CPED1: variants seen among roughly 807,000 people sequenced by gnomAD.
CPED1 encodes the protein cadherin-like and PC-esterase domain-containing protein 1.
In CPED1, 114 loss-of-function variants were observed where a neutral mutation model predicts 128.2. The ratio of observed to expected loss-of-function variants is 0.89; its 90% CI spans 0.76 to 1.04. The LOEUF is 1.04. CPED1 is among the 50% of genes least tolerant of loss of function. The pLI, the probability that CPED1 is intolerant of heterozygous loss-of-function variation, is 0.00. For synonymous variants in CPED1, 462 were observed against 426.7 expected (o/e 1.08, Z -1.02); for missense variants, 1,211 against 1,207.1 (o/e 1.00, Z -0.05).
Position 121,261,722 on chromosome 7 carries a change from C to A in CPED1, c.2311-4505C>A, listed in dbSNP as rs776687194. ...ACCCTAAATGACCTCCCTGCCCCAC[C>A]CCTGCACATAAACCTGACTTGAATC... is the stretch of plus-strand genomic sequence containing the variant. On this transcript the variant is annotated intron_variant, in intron 18 of 22. Transcript: ENST00000310396. 7.9e-5 allele frequency: 126 copies of A among 1,600,024 alleles called. 2 individuals are homozygous for A. The South Asian group carries it at 1.3e-3, about 17-fold the overall frequency.
intron 16 of CPED1, among the ~76,000 whole-genome samples, chr7:121,202,885 C>G (rs1797430813): frequency 1.3e-5 from 2 of 152,086 alleles, no homozygotes; most frequent in Non-Finnish European, 2.9e-5. Context: ...ATTCATTTTC[C>G]AAAGAGCCTC....
chr7:121,104,495 A>G (rs932333564), intron 7 of CPED1, among the ~76,000 whole-genome samples: 2 of 152,192 alleles, frequency 1.3e-5, no homozygotes, highest in African/African-American at 4.8e-5. Flanking sequence ...GTAACTTTTT[A>G]TGATGTCTGA....
chr7:121,239,619 G>GT (rs1160082914), intron 17 of CPED1, among the ~76,000 whole-genome samples: 1 of 152,090 alleles, frequency 6.6e-6, no homozygotes, highest in Non-Finnish European at 1.5e-5. Flanking sequence ...AAATATAGAT[G>GT]TTTTTGTCTT....
chr7:120,990,074 A>G (rs185811085), intron 2 of CPED1, among the ~76,000 whole-genome samples: 20 of 152,330 alleles, frequency 1.3e-4, no homozygotes, highest in African/African-American at 4.6e-4. Flanking sequence ...TTCTGGCATT[A>G]CTTTATCTCT....
intron 3 of CPED1, among the ~76,000 whole-genome samples, chr7:121,043,626 CAG>C (rs1793115239): frequency 6.6e-6 from 1 of 151,998 alleles, no homozygotes; most frequent in Non-Finnish European, 1.5e-5. Flanking sequence ...GTGCTGCTAC[CAG>C]AGACAGAGCC....
intron 3 of CPED1, among the ~76,000 whole-genome samples, chr7:121,023,661 A>G (rs1306799100): frequency 1.3e-5 from 2 of 152,150 alleles, no homozygotes; most frequent in African/African-American, 4.8e-5. Context: ...GAGGTGAGAA[A>G]CACCAGTGTG....
intron 17 of CPED1, among the ~76,000 whole-genome samples, chr7:121,239,216 C>T (rs1798329481): frequency 6.6e-6 from 1 of 151,898 alleles, no homozygotes; most frequent in African/African-American, 2.4e-5. Flanking sequence ...GTTTGAAAAT[C>T]TTATTTTAAA....
intron 16 of CPED1, among the ~76,000 whole-genome samples, chr7:121,235,507 C>G (rs1798232161): frequency 1.3e-5 from 2 of 152,026 alleles, no homozygotes; most frequent in African/African-American, 4.8e-5. Context: ...GAGAATGTAA[C>G]CACAAATTGC....
At position 121,238,714 on chromosome 7, in the gene CPED1, T is replaced by A. The variant is rs117059758; in HGVS notation, c.2173+1883T>A. Among the ~76,000 whole-genome samples the A allele has an allele frequency of 6.2e-3, 933 of 150,564 alleles. 6 individuals are homozygous for A. The highest frequency in any genetic ancestry group is 0.011 in the Non-Finnish European group (754 of 67,666). On this transcript the variant is annotated intron_variant, in intron 17 of 22. Transcript: ENST00000310396. ...TTTTACCTGATCATTTTTCTTTTTATGTTTTATAATTGATAAAATATATAA... is the reference window on the plus strand; with the variant it reads ...TTTTACCTGATCATTTTTCTTTTTAAGTTTTATAATTGATAAAATATATAA...
intron 16 of CPED1, among the ~76,000 whole-genome samples, chr7:121,196,129 A>G (rs1030878719): frequency 2.1e-4 from 32 of 152,052 alleles, no homozygotes; most frequent in African/African-American, 5.8e-4. Flanking sequence ...GAAATAATTT[A>G]GCTGCTTTGG....
intron 22 of CPED1, among the ~76,000 whole-genome samples, chr7:121,287,252 C>T (rs1792600150): frequency 1.3e-5 from 2 of 152,040 alleles, no homozygotes; most frequent in Admixed American, 1.3e-4. Flanking sequence ...ATACCCCCAA[C>T]CTCCTGCCAC....
chr7:121,284,319 G>A (rs1051112601), intron 22 of CPED1, among the ~76,000 whole-genome samples: 1 of 152,176 alleles, frequency 6.6e-6, no homozygotes, highest in African/African-American at 2.4e-5. Context: ...TAAAACTCAA[G>A]ATGAGATTTG....
intron 3 of CPED1, among the ~76,000 whole-genome samples, chr7:121,017,427 T>C (rs1050440234): frequency 6.6e-6 from 1 of 152,188 alleles, no homozygotes; most frequent in Admixed American, 6.5e-5. Context: ...TTTATCAGAA[T>C]AGCTATTAGT....
intron 16 of CPED1, among the ~76,000 whole-genome samples, chr7:121,162,849 T>C (rs1427529150): frequency 6.6e-6 from 1 of 152,208 alleles, no homozygotes; most frequent in East Asian, 1.9e-4. Context: ...TCCTGTGAAA[T>C]ATGCATAAAT....
intron 7 of CPED1, among the ~76,000 whole-genome samples, chr7:121,107,036 T>C (rs1007380474): frequency 6.6e-6 from 1 of 152,116 alleles, no homozygotes; most frequent in African/African-American, 2.4e-5. Context: ...ATTTCTTTAA[T>C]AGATGAGCCA....
At chr7:121,272,562 A>G (rs1792255142) in intron 22 of CPED1, among the ~76,000 whole-genome samples, 1 of 152,076 alleles carries the variant, frequency 6.6e-6, no homozygotes, top group South Asian at 2.1e-4. Flanking sequence ...TCCTCCAGGC[A>G]TCCTTTTGAA....
intron 16 of CPED1, among the ~76,000 whole-genome samples, chr7:121,145,828 A>G (rs1449640127): frequency 1.3e-5 from 2 of 151,090 alleles, no homozygotes; most frequent in African/African-American, 4.9e-5. Flanking sequence ...TGTCCTCACT[A>G]TATTTGTAGG....
At chr7:121,061,357 T>A (rs1382257423) in intron 4 of CPED1, among the ~76,000 whole-genome samples, 4 of 152,138 alleles carry the variant, frequency 2.6e-5, no homozygotes, top group Non-Finnish European at 5.9e-5. Context: ...ATAAGAAAAA[T>A]GTCTGTGTAT....
intron 5 of CPED1, among the ~76,000 whole-genome samples, chr7:121,077,707 ATATG>A (rs1794167312): frequency 6.6e-6 from 1 of 150,850 alleles, no homozygotes; most frequent in Non-Finnish European, 1.5e-5. Flanking sequence ...CATTTATACA[ATATG>A]TATTTAAAAT....
Sources: gnomAD v4.1 joint callset for allele counts (sites outside exome capture counted in the v4.1 genomes callset) on GRCh38, gnomAD v4.1.1 for gene constraint, MANE v1.5 for transcripts, NCBI Gene and HGNC (gene_info 2026-07-23, HGNC 2026-07-21) for gene names.